Variants in HDGFL2 observed in about 807,000 individuals in gnomAD.
The protein encoded by HDGFL2 is HDGF like 2, also known as hepatoma-derived growth factor-related protein 2.
In HDGFL2, 36 loss-of-function variants were observed where a neutral mutation model predicts 77.1. The observed-to-expected ratio is 0.47, with a 90% CI of 0.36 to 0.62. The LOEUF (loss-of-function observed/expected upper bound fraction) is 0.62. HDGFL2 is among the 20% of genes least tolerant of loss of function. The pLI, the probability that HDGFL2 is intolerant of heterozygous loss-of-function variation, is 0.00. For missense variants in HDGFL2, 976 were observed against 973.4 expected, an observed-to-expected ratio of 1.00 and a Z score of -0.04; for synonymous variants, 463 against 413.1, an observed-to-expected ratio of 1.12 and a Z score of -1.46.
intron 3 of HDGFL2, among the ~76,000 whole-genome samples, chr19:4,486,695 C>G (rs1975370712): frequency 6.6e-6 from 1 of 151,940 alleles, no homozygotes; most frequent in Non-Finnish European, 1.5e-5. Context: ...AAAAATACAC[C>G]TGGCGCTCAT....
In HDGFL2 at chr19:4,498,325, G is replaced by A; in HGVS notation, c.1422G>A (p.Lys474=). The change falls in exon 12 of 16, where the codon AAG becomes AAA. Residue 474 remains lysine, a synonymous_variant. Transcript: ENST00000616600. ...EKKKEPSVEE[K]LQKLHSEIKF... ...GCCCAGAGCCCTCCGTGGAGGAGAA[G>A]CTGCAGAAGCTGCACAGTGAGATCA... The A allele has an allele frequency of 3.1e-6, 5 of 1,613,638 alleles. No individual in the cohort carries two copies. The highest frequency in any genetic ancestry group is 4.2e-6 in the Non-Finnish European group (5 of 1,179,942).
At chr19:4,479,065 G>A (rs1015957905) in intron 3 of HDGFL2, among the ~76,000 whole-genome samples, 1 of 151,870 alleles carries the variant, frequency 6.6e-6, no homozygotes, top group Non-Finnish European at 1.5e-5. Context: ...GGTGGCTCAC[G>A]CCTGTAACCT....
At chr19:4,496,831 C>A (rs1368387360) in intron 10 of HDGFL2, 3 of 389,664 alleles carry the variant, frequency 7.7e-6, no homozygotes, top group South Asian at 2.0e-5. Flanking sequence ...CATCTTGGTC[C>A]CCCTGTGGTG....
chr19:4,501,879 C>T (rs1240774300), intron 15 of HDGFL2, 32 bp from the exon 16 acceptor site: 6 of 1,397,998 alleles, frequency 4.3e-6, no homozygotes, highest in African/African-American at 1.5e-5. Flanking sequence ...GGCGGGAGGG[C>T]ATCCTCACAC....
chr19:4,483,964 T>C (rs1975290861), intron 3 of HDGFL2, among the ~76,000 whole-genome samples: 1 of 150,556 alleles, frequency 6.6e-6, no homozygotes, highest in African/African-American at 2.5e-5. Flanking sequence ...TAATTCTTTG[T>C]ATTTTTAGTA....
intron 3 of HDGFL2, 56 bp downstream of exon 3, chr19:4,475,639 C>T: frequency 6.6e-7 from 1 of 1,520,622 alleles, no homozygotes; most frequent in Non-Finnish European, 8.8e-7. Context: ...CAAGAAGGGG[C>T]CTCCAGTTAG....
chr19:4,501,794 T>C (rs1975896992), intron 15 of HDGFL2, 117 bp from the exon 16 acceptor site: 2 of 697,368 alleles, frequency 2.9e-6, no homozygotes, highest in African/African-American at 1.9e-5. Flanking sequence ...AGGGCGGCAC[T>C]CGAGCCTCAG....
intron 12 of HDGFL2, among the ~76,000 whole-genome samples, 191 bp downstream of exon 12, chr19:4,498,567 A>C (rs945181072): frequency 1.3e-5 from 2 of 151,936 alleles, no homozygotes; most frequent in Non-Finnish European, 2.9e-5. Flanking sequence ...CCTGACATGC[A>C]GCACCCAGCT....
At chr19:4,479,985 G>A (rs754480733) in intron 3 of HDGFL2, among the ~76,000 whole-genome samples, 1 of 150,852 alleles carries the variant, frequency 6.6e-6, no homozygotes, top group Admixed American at 6.7e-5. Context: ...CCCAGGCCAC[G>A]GTTTCTCAGC....
intron 3 of HDGFL2, among the ~76,000 whole-genome samples, chr19:4,483,496 C>G (rs938285229): frequency 6.6e-6 from 1 of 152,222 alleles, no homozygotes; most frequent in Non-Finnish European, 1.5e-5. Flanking sequence ...CCATTCTGTC[C>G]GGGCATTTCT....
Position 4,491,850 on chromosome 19 carries a change from A to T in HDGFL2, c.678+15A>T, listed in dbSNP as rs773344312. 17 of 1,611,468 alleles carry T rather than the reference A, an allele frequency of 1.1e-5. No homozygotes were observed. Among genetic ancestry groups the T allele is most frequent in the Non-Finnish European group, 1.4e-5 (16 of 1,178,078 alleles). ...GGAAAAAAAAGGTAGCGTGCACTTG[A>T]CTTTGTTTCCCATGCCCACTCGTGG... On this transcript the variant is annotated intron_variant, in intron 6 of 15. Coordinates refer to ENST00000616600, the MANE Select transcript of HDGFL2 (RefSeq NM_001001520.3).
At position 4,499,580 on chromosome 19, in the gene HDGFL2, C is replaced by G; in HGVS notation, c.1665C>G (p.Ile555Met). ...AGTCGCGGGTCCTCGGCCCAAAGAT[C>G]GAGGCGGTGCAGAAAGTGAACAAGG... ...RLKSRVLGPK[I>M]EAVQKVNKAG... Residue 555 changes from isoleucine to methionine, a missense_variant, in exon 14 of 16, where the codon ATC becomes ATG. Ile to Met is a conservative substitution (Grantham distance 10). Coordinates refer to ENST00000616600, the MANE Select transcript of HDGFL2 (RefSeq NM_001001520.3). 1 of 1,612,438 alleles carries G rather than the reference C, an allele frequency of 6.2e-7. No homozygotes were observed. The highest frequency in any genetic ancestry group is 8.5e-7 in the Non-Finnish European group (1 of 1,179,448).
chr19:4,486,738 G>A (rs973869259), intron 3 of HDGFL2, among the ~76,000 whole-genome samples: 2 of 151,914 alleles, frequency 1.3e-5, no homozygotes, highest in Non-Finnish European at 2.9e-5. Context: ...AGCCACCCAC[G>A]GCCTAACTCT....
At position 4,475,473 on chromosome 19, in the gene HDGFL2, C is replaced by T. The variant is rs751098546; in HGVS notation, c.178C>T (p.Pro60Ser). ...TAFLGPKDLF[P>S]YDKCKDKYGK... is the part of the protein sequence containing the mutation. ...CTTCCTGGGACCCAAGGACCTGTTC[C>T]CCTACGACAAATGTAAAGACAAGTA... Residue 60 changes from proline (P) to serine (S), a missense_variant, in exon 3 of 16, where the codon CCC (proline) becomes TCC (serine). Physicochemically the swap from Pro to Ser is moderately conservative, Grantham distance 74. Transcript: ENST00000616600. 5 of 1,611,892 alleles carry T rather than the reference C, an allele frequency of 3.1e-6. No homozygotes were observed. Among genetic ancestry groups the T allele is most frequent in the Middle Eastern group, 1.7e-4 (1 of 6,046 alleles).
intron 3 of HDGFL2, among the ~76,000 whole-genome samples, chr19:4,482,204 TTTTC>T (rs751364353): frequency 9.4e-4 from 141 of 150,436 alleles, no homozygotes; most frequent in Non-Finnish European, 1.5e-3. Context: ...TGGCCTTGTT[TTTTC>T]TTTCTTTCTT....
chr19:4,501,809 C>A, intron 15 of HDGFL2, 102 bp from the exon 16 acceptor site: 1 of 837,390 alleles, frequency 1.2e-6, no homozygotes, highest in Non-Finnish European at 1.7e-6. Context: ...CCTCAGGTGC[C>A]ACAACGGGGG....
At chr19:4,493,416 A>C (rs1467776419) in intron 6 of HDGFL2, among the ~76,000 whole-genome samples, 1 of 152,008 alleles carries the variant, frequency 6.6e-6, no homozygotes, top group African/African-American at 2.4e-5. Flanking sequence ...GCATAAAGAA[A>C]AAGATGTCCC....
chr19:4,501,893 C>T lies in HDGFL2; in HGVS notation c.1917-18C>T. Reference sequence around the variant, plus strand: ...GGGCGGGAGGGCATCCTCACACCGCCTTTGCTGTTCCCACCAGCAGCGTAC... The same window carrying T: ...GGGCGGGAGGGCATCCTCACACCGCTTTTGCTGTTCCCACCAGCAGCGTAC... On this transcript the variant is annotated intron_variant, in intron 15 of 15. Coordinates refer to ENST00000616600, the MANE Select transcript of HDGFL2 (RefSeq NM_001001520.3). 2.1e-6 allele frequency: 3 copies of T among 1,434,196 alleles called. No homozygotes were observed. The highest frequency in any genetic ancestry group is 1.5e-5 in the South Asian group (1 of 65,480). 88.8% of individuals were successfully genotyped at this position (1,434,196 alleles called of 1,614,324 possible). A position where few individuals can be genotyped will look rare whatever the true frequency, so the allele number is the denominator to read the frequency against.
chr19:4,480,668 G>A lies in HDGFL2; in HGVS notation c.288+5085G>A, dbSNP rs375068064. Among the ~76,000 whole-genome samples the A allele has an allele frequency of 2.6e-4, 39 of 152,122 alleles. No individual in the cohort carries two copies. In the East Asian group the frequency reaches 5.7e-3, roughly 22 times the overall value. ...TGGGAGGTGGAGGTTGCAGTGGGCTGAGATTGTGCCATTGTACTCCAGCCT... is the reference window on the plus strand; with the variant it reads ...TGGGAGGTGGAGGTTGCAGTGGGCTAAGATTGTGCCATTGTACTCCAGCCT... On this transcript the variant is annotated intron_variant, in intron 3 of 15. Transcript: ENST00000616600.
Sources: gnomAD v4.1 joint callset for allele counts (sites outside exome capture counted in the v4.1 genomes callset) on GRCh38, gnomAD v4.1.1 for gene constraint, MANE v1.5 for transcripts, NCBI Gene and HGNC (gene_info 2026-07-23, HGNC 2026-07-21) for gene names.